The following QTMAN variants were observed in gnomAD, a reference collection of about 807,000 sequenced individuals.
QTMAN encodes the protein tRNA-queuosine alpha-mannosyltransferase.
chr2:144,311,310 A>C, the QTMAN span, among the ~76,000 whole-genome samples: 6 of 152,236 alleles, frequency 3.9e-5, no homozygotes, highest in Admixed American at 3.3e-4. Context: ...CATCTTCTCT[A>C]CATTTTACTG....
At chr2:144,254,916 G>A in the QTMAN span, among the ~76,000 whole-genome samples, 1 of 152,330 alleles carries the variant, frequency 6.6e-6, no homozygotes, top group African/African-American at 2.4e-5. Context: ...AGACTTGCAT[G>A]GGGCCTGTAG....
At chr2:143,939,809 T>G in the QTMAN span, 1 of 152,346 alleles carries the variant, frequency 6.6e-6, no homozygotes, top group Middle Eastern at 3.4e-3. Context: ...ATTCAGTAAT[T>G]ACAGCTGGCT....
At chr2:144,025,797 T>A in the QTMAN span, among the ~76,000 whole-genome samples, 1 of 152,138 alleles carries the variant, frequency 6.6e-6, no homozygotes, top group Non-Finnish European at 1.5e-5. Flanking sequence ...ACTAGCGTAC[T>A]CCCCTTTTCT....
chr2:144,012,808 AAGAG>A, the QTMAN span, among the ~76,000 whole-genome samples: 2 of 152,172 alleles, frequency 1.3e-5, no homozygotes, highest in African/African-American at 2.4e-5. Context: ...ATTAAAGAGA[AAGAG>A]AGAGCGTGTA....
the QTMAN span, among the ~76,000 whole-genome samples, chr2:144,233,755 T>C: frequency 6.6e-6 from 1 of 152,176 alleles, no homozygotes; most frequent in Non-Finnish European, 1.5e-5. Flanking sequence ...TGACAGGTCT[T>C]GAAAAGACCC....
chr2:144,068,500 G>A, the QTMAN span, among the ~76,000 whole-genome samples: 2 of 152,138 alleles, frequency 1.3e-5, no homozygotes, highest in African/African-American at 4.8e-5. Flanking sequence ...ATTTACCTTT[G>A]TGGACACTTA....
the QTMAN span, among the ~76,000 whole-genome samples, chr2:144,202,479 G>C: frequency 2.0e-5 from 3 of 152,260 alleles, no homozygotes; most frequent in South Asian, 6.2e-4. Flanking sequence ...AACTAGGTAA[G>C]AAGTGCTCTA....
chr2:144,040,625 G>A, the QTMAN span, among the ~76,000 whole-genome samples: 1 of 152,086 alleles, frequency 6.6e-6, no homozygotes, highest in Admixed American at 6.5e-5. Context: ...CCAATAACTG[G>A]AACGAAAGAA....
At chr2:143,984,028 T>C in the QTMAN span, among the ~76,000 whole-genome samples, 12 of 152,326 alleles carry the variant, frequency 7.9e-5, 1 homozygote, top group African/African-American at 2.9e-4. Flanking sequence ...ATTAACGCAG[T>C]CACCCTCATA....
chr2:144,092,870 G>T, the QTMAN span, among the ~76,000 whole-genome samples: 664 of 140,716 alleles, frequency 4.7e-3, 10 homozygotes, highest in African/African-American at 0.015. Context: ...AAACTTTTGG[G>T]GTGTGTGTGT....
the QTMAN span, among the ~76,000 whole-genome samples, chr2:144,170,212 T>G: frequency 0.044 from 6,704 of 152,260 alleles, 492 homozygotes; most frequent in African/African-American, 0.15. Context: ...CCATATATAA[T>G]GCTTTATTAA....
At chr2:144,205,400 C>G in the QTMAN span, among the ~76,000 whole-genome samples, 8 of 152,156 alleles carry the variant, frequency 5.3e-5, no homozygotes, top group Non-Finnish European at 1.2e-4. Context: ...GAAGAACTCC[C>G]AGAAGTCACC....
the QTMAN span, chr2:144,142,058 G>A: frequency 1.9e-6 from 3 of 1,605,922 alleles, no homozygotes; most frequent in African/African-American, 1.3e-5. Context: ...CCACCAGGCT[G>A]TAAAGGTAAA....
At chr2:144,276,314 A>C in the QTMAN span, among the ~76,000 whole-genome samples, 1 of 152,004 alleles carries the variant, frequency 6.6e-6, no homozygotes, top group African/African-American at 2.4e-5. Context: ...CCCAAAGTGC[A>C]TGGGATACAG....
chr2:144,131,244 T>C, the QTMAN span, among the ~76,000 whole-genome samples: 27 of 151,978 alleles, frequency 1.8e-4, no homozygotes, highest in South Asian at 4.1e-4. Context: ...ACCATCTTTA[T>C]ATCAGCAAAT....
chr2:143,953,081 A>G, the QTMAN span, among the ~76,000 whole-genome samples: 1 of 151,872 alleles, frequency 6.6e-6, no homozygotes, highest in African/African-American at 2.4e-5. Flanking sequence ...AATTAATCAA[A>G]GCGCAGCTCT....
chr2:143,973,081 AG>A, the QTMAN span, among the ~76,000 whole-genome samples: 2 of 152,222 alleles, frequency 1.3e-5, no homozygotes, highest in African/African-American at 4.8e-5. Flanking sequence ...CACTCAAAAA[AG>A]TAACAGTTAA....
chr2:144,092,889 G>GTA, the QTMAN span, among the ~76,000 whole-genome samples: 1 of 151,578 alleles, frequency 6.6e-6, no homozygotes, highest in Non-Finnish European at 1.5e-5. Context: ...GTGTGTGTGT[G>GTA]TGTGTGTGTG....
chr2:144,034,607 TC>T, the QTMAN span, among the ~76,000 whole-genome samples: 2 of 143,748 alleles, frequency 1.4e-5, no homozygotes, highest in Non-Finnish European at 3.1e-5. Flanking sequence ...CTCAGGATAT[TC>T]CATTTGAAAA....
Sources: allele counts gnomAD v4.1 joint callset (sites outside exome capture counted in the v4.1 genomes callset), GRCh38; gene constraint gnomAD v4.1.1; transcripts MANE v1.5; gene names NCBI Gene and HGNC (gene_info 2026-07-23, HGNC 2026-07-21).